Variants in ARHGAP24 observed in about 807,000 individuals in gnomAD.
The protein encoded by ARHGAP24 is rho GTPase-activating protein 24.
ARHGAP24 carries 50 observed loss-of-function variants against 76.4 expected under a neutral mutation model. The ratio of observed to expected loss-of-function variants is 0.65; its 90% CI spans 0.52 to 0.83. The LOEUF is 0.83. Ranked by LOEUF, ARHGAP24 falls within the 40% of genes least tolerant of loss-of-function variation. The pLI, the probability that ARHGAP24 is intolerant of heterozygous loss-of-function variation, is 0.00. For missense variants in ARHGAP24, 930 were observed against 914.2 expected (o/e 1.02, Z -0.22); for synonymous variants, 345 against 323.3 (o/e 1.07, Z -0.72).
At chr4:85,512,461 C>T (rs1724321923) in intron 1 of ARHGAP24, among the ~76,000 whole-genome samples, 1 of 152,146 alleles carries the variant, frequency 6.6e-6, no homozygotes, top group Non-Finnish European at 1.5e-5. Flanking sequence ...CACTCAGGGC[C>T]ATTATAGTTT....
At chr4:85,954,664 A>G (rs1737808246) in intron 5 of ARHGAP24, among the ~76,000 whole-genome samples, 1 of 152,224 alleles carries the variant, frequency 6.6e-6, no homozygotes, top group African/African-American at 2.4e-5. Flanking sequence ...GGCAGCACAT[A>G]TACTAAAATT....
chr4:85,961,624 T>G (rs184869534), intron 5 of ARHGAP24, among the ~76,000 whole-genome samples: 35 of 152,240 alleles, frequency 2.3e-4, no homozygotes, highest in African/African-American at 8.2e-4. Flanking sequence ...GTAAAGTCAT[T>G]GTTGGGGACA....
chr4:85,636,723 C>A (rs1032669782), intron 2 of ARHGAP24, among the ~76,000 whole-genome samples: 2 of 151,970 alleles, frequency 1.3e-5, no homozygotes, highest in African/African-American at 4.8e-5. Flanking sequence ...GCCTTGTGAC[C>A]CATTGCAAGT....
At chr4:85,859,979 T>C (rs1731798019) in intron 3 of ARHGAP24, among the ~76,000 whole-genome samples, 2 of 152,126 alleles carry the variant, frequency 1.3e-5, no homozygotes, top group Non-Finnish European at 2.9e-5. Context: ...GGCAAAGCTT[T>C]CTGATAAGGA....
At chr4:85,927,030 A>G (rs1267365667) in intron 4 of ARHGAP24, among the ~76,000 whole-genome samples, 2 of 152,186 alleles carry the variant, frequency 1.3e-5, no homozygotes, top group African/African-American at 2.4e-5. Context: ...TGAGTCATTC[A>G]AAAGTACTAG....
At chr4:85,585,520 T>G (rs1727820766) in intron 2 of ARHGAP24, among the ~76,000 whole-genome samples, 1 of 152,224 alleles carries the variant, frequency 6.6e-6, no homozygotes, top group Non-Finnish European at 1.5e-5. Context: ...TTAACTCTAT[T>G]TCCATTTAAG....
intron 3 of ARHGAP24, among the ~76,000 whole-genome samples, chr4:85,804,098 T>C (rs1269041528): frequency 6.6e-6 from 1 of 152,102 alleles, no homozygotes; most frequent in Non-Finnish European, 1.5e-5. Flanking sequence ...CTTACAGGTG[T>C]GTGGCTAACC....
chr4:85,547,928 G>A (rs1455368318), intron 1 of ARHGAP24, among the ~76,000 whole-genome samples: 2 of 152,072 alleles, frequency 1.3e-5, no homozygotes, highest in Non-Finnish European at 2.9e-5. Context: ...CTTTCAAATT[G>A]AATAATTGAC....
chr4:85,992,101 A>G (rs1740366506), intron 8 of ARHGAP24: 1 of 397,382 alleles, frequency 2.5e-6, no homozygotes, highest in Non-Finnish European at 4.4e-6. Flanking sequence ...ACTCTTCAGA[A>G]TGGGCTGGTG....
At chr4:85,530,438 G>T (rs1725212273) in intron 1 of ARHGAP24, among the ~76,000 whole-genome samples, 1 of 151,926 alleles carries the variant, frequency 6.6e-6, no homozygotes, top group Non-Finnish European at 1.5e-5. Context: ...GTTCAAAGGG[G>T]TTCTTACTTT....
rs998256220 is a variant in ARHGAP24, at chr4:85,564,943, TATATATATATATATATATATATATATAC to T, written c.-20-5578_-20-5551del. On this transcript the variant is annotated intron_variant, in intron 1 of 9. Coordinates refer to ENST00000395184, the MANE Select transcript of ARHGAP24 (RefSeq NM_001025616.3). The stretch of plus-strand genomic sequence containing the variant: ...CACACGGTATATATATATATATATA[TATATATATATATATATATATATATATAC>T]CCACACCCACCATACACCCACACAT... Among the ~76,000 whole-genome samples the T allele has an allele frequency of 2.8e-4, 28 of 100,888 alleles. 1 individual carries two copies. Among genetic ancestry groups the T allele is most frequent in the Non-Finnish European group, 5.8e-5 (3 of 51,734 alleles). 66.2% of individuals were successfully genotyped at this position (100,888 alleles called of 152,430 possible).
chr4:85,901,709 A>G (rs7685869), intron 3 of ARHGAP24, among the ~76,000 whole-genome samples: 98,223 of 151,944 alleles, frequency 0.65, 32,531 homozygotes, highest in East Asian at 0.99. Context: ...TCAACTTGCA[A>G]CCAAGGGGTA....
chr4:85,624,289 G>T (rs1299927802), intron 2 of ARHGAP24, among the ~76,000 whole-genome samples: 1 of 152,068 alleles, frequency 6.6e-6, no homozygotes, highest in Non-Finnish European at 1.5e-5. Context: ...GGAGTTTTTA[G>T]CATGAAGCGT....
chr4:85,894,894 G>C (rs1199656189), intron 3 of ARHGAP24, among the ~76,000 whole-genome samples: 2 of 143,432 alleles, frequency 1.4e-5, no homozygotes, highest in Non-Finnish European at 3.0e-5. Context: ...CCAGGAGGCA[G>C]AGGTTGCAGT....
chr4:85,898,104 T>G (rs1734300662), intron 3 of ARHGAP24, among the ~76,000 whole-genome samples: 1 of 150,206 alleles, frequency 6.7e-6, no homozygotes, highest in Admixed American at 6.7e-5. Flanking sequence ...GAGGGGAGAC[T>G]TTGGAAGGTC....
At chr4:85,610,019 G>A (rs916421452) in intron 2 of ARHGAP24, among the ~76,000 whole-genome samples, 2 of 152,158 alleles carry the variant, frequency 1.3e-5, no homozygotes, top group African/African-American at 4.8e-5. Flanking sequence ...ATTATGTGAT[G>A]ATTGGGCATA....
intron 1 of ARHGAP24, among the ~76,000 whole-genome samples, chr4:85,477,779 G>C (rs1015106819): frequency 1.3e-5 from 2 of 152,130 alleles, no homozygotes; most frequent in Non-Finnish European, 2.9e-5. Flanking sequence ...TTTCCGGCTC[G>C]ATTAAAGTCT....
chr4:85,515,670 GT>G lies in ARHGAP24; in HGVS notation c.-21+40118del, dbSNP rs1428937547. ...ATATTTCCTTGTGTGGTGTATCCTA[GT>G]TTTTTTCTGTCAGTCTCCTATGGAT... On this transcript the variant is annotated intron_variant, in intron 1 of 9. Transcript: ENST00000395184. Among the ~76,000 whole-genome samples, 7 of 151,902 alleles carry G rather than the reference GT, an allele frequency of 4.6e-5. No individual in the cohort carries two copies. The South Asian group carries it at 6.2e-4, about 14-fold the overall frequency.
chr4:85,836,621 C>T (rs992876898), intron 3 of ARHGAP24, among the ~76,000 whole-genome samples: 3 of 152,130 alleles, frequency 2.0e-5, no homozygotes, highest in Admixed American at 1.3e-4. Context: ...AATATGACCA[C>T]ATTCTGAGAT....
Sources: gnomAD v4.1 joint callset for allele counts (sites outside exome capture counted in the v4.1 genomes callset) on GRCh38, gnomAD v4.1.1 for gene constraint, MANE v1.5 for transcripts, NCBI Gene and HGNC (gene_info 2026-07-23, HGNC 2026-07-21) for gene names.